COL25A1: variants seen among roughly 807,000 people sequenced by gnomAD.
COL25A1 encodes the protein collagen alpha-1(XXV) chain.
Under a neutral mutation model 128.4 loss-of-function variants are expected in COL25A1, and 103 were observed. That is an observed-to-expected ratio of 0.80 (90% CI 0.68 to 0.94). The LOEUF is 0.94. Ranked by LOEUF, COL25A1 falls within the 40% of genes least tolerant of loss-of-function variation. The probability of loss-of-function intolerance (pLI) is 0.00; values close to 1 mark genes in which losing one functional copy is unlikely to be tolerated. For missense variants in COL25A1, 745 were observed against 840.0 expected, an observed-to-expected ratio of 0.89 and a Z score of 1.40; for synonymous variants, 279 against 277.2, an observed-to-expected ratio of 1.01 and a Z score of -0.06.
At chr4:109,226,148 T>C (rs1485334813) in intron 3 of COL25A1, among the ~76,000 whole-genome samples, 1 of 151,988 alleles carries the variant, frequency 6.6e-6, no homozygotes, top group African/African-American at 2.4e-5. Context: ...AAAAACCACA[T>C]TTTTCACTTA....
chr4:109,281,000 CTA>C (rs1304757561), intron 3 of COL25A1, among the ~76,000 whole-genome samples: 1 of 151,912 alleles, frequency 6.6e-6, no homozygotes, highest in Non-Finnish European at 1.5e-5. Context: ...ACACATGTAG[CTA>C]TAGATATAAC....
At chr4:109,223,292 C>T (rs1489035674) in intron 3 of COL25A1, among the ~76,000 whole-genome samples, 5 of 152,144 alleles carry the variant, frequency 3.3e-5, no homozygotes, top group Non-Finnish European at 7.4e-5. Context: ...AATTCTAACA[C>T]GTCTATTGTA....
chr4:109,285,030 T>A (rs372285547), intron 3 of COL25A1, among the ~76,000 whole-genome samples: 3 of 152,034 alleles, frequency 2.0e-5, no homozygotes, highest in East Asian at 3.9e-4. Context: ...CTAGGGAAGT[T>A]TTTTTTCTCT....
chr4:108,986,785 G>C (rs1753704079), intron 6 of COL25A1, among the ~76,000 whole-genome samples: 1 of 152,152 alleles, frequency 6.6e-6, no homozygotes, highest in Non-Finnish European at 1.5e-5. Context: ...TTGATATTAA[G>C]AAATTACTGG....
Position 108,813,842 on chromosome 4 carries a change from G to T in COL25A1, c.*85C>A, listed in dbSNP as rs1667750997. Reference sequence around the variant, plus strand: ...CCCTATGTAAACATATCTCAGACTTGTAAAATCTGCAATTCAGTTTTCAAC... The same window carrying T: ...CCCTATGTAAACATATCTCAGACTTTTAAAATCTGCAATTCAGTTTTCAAC... On this transcript the variant is annotated 3_prime_UTR_variant, in exon 38 of 38. Coordinates refer to ENST00000399132, the MANE Select transcript of COL25A1 (RefSeq NM_198721.4). 1 of 1,066,322 alleles carries T rather than the reference G, an allele frequency of 9.4e-7. No individual in the cohort carries two copies. The highest frequency in any genetic ancestry group is 1.4e-6 in the Non-Finnish European group (1 of 702,584). 66.1% of individuals were successfully genotyped at this position (1,066,322 alleles called of 1,614,324 possible). A position where few individuals can be genotyped will look rare whatever the true frequency, so the allele number is the denominator to read the frequency against.
intron 3 of COL25A1, among the ~76,000 whole-genome samples, chr4:109,221,891 C>G (rs2126210225): frequency 6.6e-6 from 1 of 152,072 alleles, no homozygotes; most frequent in African/African-American, 2.4e-5. Context: ...CATAAAGACA[C>G]AATCATGGGT....
intron 20 of COL25A1, 37 bp from the exon 21 acceptor site, chr4:108,863,424 C>T (rs1156701880): frequency 1.3e-6 from 2 of 1,567,508 alleles, no homozygotes; most frequent in African/African-American, 1.4e-5. Flanking sequence ...TGGTCATTCC[C>T]CCCACCCAGG....
chr4:108,894,834 T>C (rs1233939231), intron 16 of COL25A1, among the ~76,000 whole-genome samples: 1 of 152,202 alleles, frequency 6.6e-6, no homozygotes, highest in African/African-American at 2.4e-5. Context: ...ATGCCATATT[T>C]GATTGCAGCA....
chr4:109,282,881 T>C (rs938516895), intron 3 of COL25A1, among the ~76,000 whole-genome samples: 38 of 152,198 alleles, frequency 2.5e-4, no homozygotes, highest in African/African-American at 8.7e-4. Flanking sequence ...AGACTATACA[T>C]AAAAGGCTCT....
rs554587107 is a variant in COL25A1 at position 108,845,180 on chromosome 4, T to C, written c.1578+9A>G. On this transcript the variant is annotated intron_variant, in intron 29 of 37. Coordinates refer to ENST00000399132, the MANE Select transcript of COL25A1 (RefSeq NM_198721.4). ...AGGAACAATGGAAGTTCAGCCACCA[T>C]GGACTTACAGAAGGACCCTGTGGAC... The C allele has an allele frequency of 2.5e-6, 4 of 1,611,858 alleles. No individual in the cohort carries two copies. The highest frequency in any genetic ancestry group is 4.5e-5 in the East Asian group (2 of 44,872).
At chr4:109,058,792 G>T (rs1228846214) in intron 3 of COL25A1, among the ~76,000 whole-genome samples, 1 of 152,144 alleles carries the variant, frequency 6.6e-6, no homozygotes, top group Non-Finnish European at 1.5e-5. Flanking sequence ...ATTTAAGCGG[G>T]TGCTAAATTA....
chr4:108,863,611 C>T (rs1053963805), intron 20 of COL25A1, among the ~76,000 whole-genome samples: 3 of 152,156 alleles, frequency 2.0e-5, no homozygotes, highest in Non-Finnish European at 4.4e-5. Context: ...TTAAGGGACA[C>T]ATAGAAAGAT....
At chr4:109,115,824 G>A (rs1333855448) in intron 3 of COL25A1, among the ~76,000 whole-genome samples, 1 of 151,986 alleles carries the variant, frequency 6.6e-6, no homozygotes, top group Non-Finnish European at 1.5e-5. Flanking sequence ...TATAAAAGGA[G>A]CACGAGATGG....
intron 3 of COL25A1, among the ~76,000 whole-genome samples, chr4:109,134,612 G>C (rs1769533015): frequency 6.6e-6 from 1 of 152,134 alleles, no homozygotes; most frequent in African/African-American, 2.4e-5. Flanking sequence ...AAAAAGCTAA[G>C]AAGAATATCA....
At chr4:109,184,449 G>A (rs750923999) in intron 3 of COL25A1, among the ~76,000 whole-genome samples, 1 of 152,208 alleles carries the variant, frequency 6.6e-6, no homozygotes. Context: ...AGGGCCTAAC[G>A]AAGTGTTAGA....
At chr4:108,838,038 A>C (rs1330783170) in intron 31 of COL25A1, 4 of 1,163,812 alleles carry the variant, frequency 3.4e-6, no homozygotes, top group Non-Finnish European at 5.0e-6. Context: ...CAGAGTTATC[A>C]TGTAGGGTAG....
At chr4:108,999,887 G>A (rs1755177408) in intron 6 of COL25A1, among the ~76,000 whole-genome samples, 1 of 152,046 alleles carries the variant, frequency 6.6e-6, no homozygotes, top group Admixed American at 6.5e-5. Context: ...AACACCACAT[G>A]TTCTCACTCG....
At chr4:108,827,000 G>A in intron 33 of COL25A1, 135 bp downstream of exon 33, 1 of 763,160 alleles carries the variant, frequency 1.3e-6, no homozygotes, top group Non-Finnish European at 2.3e-6. Flanking sequence ...TGGAAGTACT[G>A]AATTTATAGA....
At chr4:109,130,998 A>C (rs1163881140) in intron 3 of COL25A1, among the ~76,000 whole-genome samples, 2 of 152,222 alleles carry the variant, frequency 1.3e-5, no homozygotes, top group Admixed American at 6.5e-5. Context: ...TCATTACTTA[A>C]TATCTCAAGG....
Sources: allele counts gnomAD v4.1 joint callset (sites outside exome capture counted in the v4.1 genomes callset), GRCh38; gene constraint gnomAD v4.1.1; transcripts MANE v1.5; gene names NCBI Gene and HGNC (gene_info 2026-07-23, HGNC 2026-07-21).